Variants in ZBTB49 observed in about 807,000 individuals in gnomAD.
The protein encoded by ZBTB49 is zinc finger and BTB domain-containing protein 49.
Under a neutral mutation model 57.5 loss-of-function variants are expected in ZBTB49, and 43 were observed. The ratio of observed to expected loss-of-function variants is 0.75; its 90% confidence interval spans 0.59 to 0.97. ZBTB49 has a LOEUF of 0.97. Among genes scored for constraint, ZBTB49 ranks in the 50% least tolerant of loss-of-function variants. The pLI, the probability that ZBTB49 is intolerant of heterozygous loss-of-function variation, is 0.00. For missense variants in ZBTB49, 938 were observed against 947.7 expected (o/e 0.99, Z 0.13); for synonymous variants, 369 against 362.1 (o/e 1.02, Z -0.22).
At chr4:4,320,592 T>C in intron 7 of ZBTB49, 48 bp from the exon 8 acceptor site, 1 of 1,606,646 alleles carries the variant, frequency 6.2e-7, no homozygotes, top group Non-Finnish European at 8.5e-7. Flanking sequence ...CTGGGCCACA[T>C]AGTGAGACCC....
chr4:4,299,694 T>C (rs3985), intron 1 of ZBTB49, among the ~76,000 whole-genome samples: 60,603 of 151,984 alleles, frequency 0.4, 14,055 homozygotes, highest in Middle Eastern at 0.55. Flanking sequence ...GGCTACTGTA[T>C]TGAGCAGTGC....
At chr4:4,314,715 A>G (rs1334694438) in intron 5 of ZBTB49, among the ~76,000 whole-genome samples, 1 of 152,230 alleles carries the variant, frequency 6.6e-6, no homozygotes, top group Non-Finnish European at 1.5e-5. Flanking sequence ...CGTCTTCCTT[A>G]GAATATAACA....
chr4:4,311,915 A>G (rs1720995680), intron 4 of ZBTB49, among the ~76,000 whole-genome samples: 2 of 131,702 alleles, frequency 1.5e-5, no homozygotes, highest in South Asian at 5.6e-4. Flanking sequence ...CTTTCATGTT[A>G]TATAGTCCGC....
At chr4:4,295,799 G>A (rs184545126) in intron 1 of ZBTB49, among the ~76,000 whole-genome samples, 6 of 152,220 alleles carry the variant, frequency 3.9e-5, no homozygotes, top group East Asian at 3.9e-4. Flanking sequence ...AACCCTACAC[G>A]TTAGAAACAA....
chr4:4,298,520 G>A (rs1239243462), intron 1 of ZBTB49, among the ~76,000 whole-genome samples: 5 of 151,994 alleles, frequency 3.3e-5, no homozygotes, highest in African/African-American at 1.2e-4. Flanking sequence ...TCAACCTTCT[G>A]GCCTCAAGCA....
At chr4:4,310,234 A>G (rs150031731) in intron 4 of ZBTB49, among the ~76,000 whole-genome samples, 3 of 152,304 alleles carry the variant, frequency 2.0e-5, no homozygotes, top group Admixed American at 6.5e-5. Context: ...GAAAGGATCA[A>G]AGTTCCTTTA....
At chr4:4,292,887 GC>G (rs1219598566) in intron 1 of ZBTB49, among the ~76,000 whole-genome samples, 1 of 152,114 alleles carries the variant, frequency 6.6e-6, no homozygotes, top group African/African-American at 2.4e-5. Flanking sequence ...TTCCATTCTG[GC>G]TGTTGTTTTC....
intron 3 of ZBTB49, 73 bp from the exon 4 acceptor site, chr4:4,306,065 G>A: frequency 7.7e-7 from 1 of 1,294,248 alleles, no homozygotes; most frequent in Non-Finnish European, 1.1e-6. Context: ...GTACATAGGA[G>A]GTCATTTAAA....
At position 4,320,959 on chromosome 4, in the gene ZBTB49, C is replaced by T. The variant is rs768490239; in HGVS notation, c.1941C>T (p.His647=). 2.5e-6 allele frequency: 4 copies of T among 1,614,136 alleles called. No homozygotes were observed. Among genetic ancestry groups the T allele is most frequent in the East Asian group, 4.5e-5 (2 of 44,888 alleles). The stretch of plus-strand genomic sequence containing the variant: ...ATTCTGTGGCAGAATTTGATAGCCA[C>T]TCTGGCGGCTCCTATTGTAAGTTAC... The part of the protein sequence containing the change: ...VENSVAEFDS[H]SGGSYCKLRS... The change falls in exon 8 of 8, where the codon CAC becomes CAT. Residue 647 remains histidine (H), a synonymous_variant. Transcript: ENST00000337872.
At chr4:4,296,734 A>C (rs534076165) in intron 1 of ZBTB49, among the ~76,000 whole-genome samples, 1 of 152,316 alleles carries the variant, frequency 6.6e-6, no homozygotes, top group East Asian at 1.9e-4. Flanking sequence ...AGTATGAAAG[A>C]GAGACCTGTG....
intron 4 of ZBTB49, among the ~76,000 whole-genome samples, chr4:4,310,386 A>G (rs968992300): frequency 2.0e-5 from 3 of 152,358 alleles, no homozygotes; most frequent in African/African-American, 7.2e-5. Context: ...TCTGTAAAAC[A>G]TGGATAATAC....
chr4:4,299,811 G>GAA (rs1720396807), intron 1 of ZBTB49, 116 bp from the exon 2 acceptor site: 7 of 805,364 alleles, frequency 8.7e-6, no homozygotes, highest in South Asian at 6.6e-5. Flanking sequence ...GTGTGTGTGT[G>GAA]AGAGAGAAAC....
Position 4,302,508 on chromosome 4 carries a change from C to G in ZBTB49, c.672C>G (p.Tyr224Ter). 1 of 1,614,030 alleles carries G rather than the reference C, an allele frequency of 6.2e-7. No individual in the cohort carries two copies. Among genetic ancestry groups the G allele is most frequent in the South Asian group, 1.1e-5 (1 of 91,058 alleles). The stretch of plus-strand genomic sequence containing the variant: ...TCAGAAACTTTTACAGTAAGCAGTA[C>G]CATAAACACGCAGCTGGTCCCAGTC... ...YKLRNFYSKQ[Y>*]HKHAAGPSQE... The change falls in exon 3 of 8, where the codon TAC (tyrosine) becomes TAG (stop). Residue 224 changes from tyrosine (Y) to a stop codon, truncating the protein, a stop_gained. Transcript: ENST00000337872. LOFTEE classifies it high-confidence loss of function.
At chr4:4,314,057 C>T (rs1292378000) in intron 5 of ZBTB49, among the ~76,000 whole-genome samples, 1 of 152,232 alleles carries the variant, frequency 6.6e-6, no homozygotes, top group African/African-American at 2.4e-5. Flanking sequence ...AGTCTCAGCA[C>T]ATGCTGGGGA....
In ZBTB49 at chr4:4,299,926, G is replaced by GGTCA. The variant is rs773417977; in HGVS notation, c.-19_-16dup. ...GTCGTATCTGTGATTTTTTGCTGTAGGTCACCTGAATGGTTGAGCATGGAC... is the reference window on the plus strand; with the variant it reads ...GTCGTATCTGTGATTTTTTGCTGTAGGTCAGTCACCTGAATGGTTGAGCATGGAC... On this transcript the variant is annotated splice_region_variant and 5_prime_UTR_variant. Coordinates refer to ENST00000337872, the MANE Select transcript of ZBTB49 (RefSeq NM_145291.4). 1 of 1,611,496 alleles carries GGTCA rather than the reference G, an allele frequency of 6.2e-7. No homozygotes were observed. The highest frequency in any genetic ancestry group is 8.5e-7 in the Non-Finnish European group (1 of 1,178,738).
Position 4,303,726 on chromosome 4 carries a change from TTCTC to T in ZBTB49, c.1255+667_1255+670del, listed in dbSNP as rs148456390. Among the ~76,000 whole-genome samples the T allele has an allele frequency of 8.5e-3, 1,032 of 121,682 alleles. 13 individuals are homozygous for T. The highest frequency in any genetic ancestry group is 0.028 in the African/African-American group (841 of 30,406). The allele number at this position is 121,682 out of a possible 152,430, so 79.8% of individuals were successfully genotyped here. On this transcript the variant is annotated intron_variant, in intron 3 of 7. Coordinates refer to ENST00000337872, the MANE Select transcript of ZBTB49 (RefSeq NM_145291.4). ...TTTCCCAAAAGATTTTTTTAAGGTA[TTCTC>T]TCTCTCTCTCTCTCTCTCTCTCTCT...
chr4:4,312,649 TTTTG>T (rs1160509595), intron 4 of ZBTB49, among the ~76,000 whole-genome samples: 1 of 152,192 alleles, frequency 6.6e-6, no homozygotes, highest in African/African-American at 2.4e-5. Flanking sequence ...CGTATGGTGC[TTTTG>T]TTTGTTTTAA....
chr4:4,290,777 C>T (rs778667771), intron 1 of ZBTB49, among the ~76,000 whole-genome samples: 1 of 152,246 alleles, frequency 6.6e-6, no homozygotes, highest in Non-Finnish European at 1.5e-5. Context: ...CGACAGAGCC[C>T]ACAGCCTAGC....
rs574547803 is a variant in ZBTB49 at position 4,313,197 on chromosome 4, TGGCTCACAGATGAGCCACAGGTG to T, written c.1376+91_1376+113del. On this transcript the variant is annotated intron_variant, in intron 5 of 7. Coordinates refer to ENST00000337872, the MANE Select transcript of ZBTB49 (RefSeq NM_145291.4). ...TGGTAGTCAGTGTCTTCTGAAGTGG[TGGCTCACAGATGAGCCACAGGTG>T]GGCTCACCCTGCCACTGCAGAACAC... 132 of 1,533,482 alleles carry T rather than the reference TGGCTCACAGATGAGCCACAGGTG, an allele frequency of 8.6e-5. No homozygotes were observed. In the African/African-American group the frequency reaches 9.1e-4, roughly 11 times the overall value. The allele number at this position is 1,533,482 out of a possible 1,614,324, so 95.0% of individuals were successfully genotyped here.
Sources: gnomAD v4.1 joint callset for allele counts (sites outside exome capture counted in the v4.1 genomes callset) on GRCh38, gnomAD v4.1.1 for gene constraint, MANE v1.5 for transcripts, NCBI Gene and HGNC (gene_info 2026-07-23, HGNC 2026-07-21) for gene names.